RERE: variants seen among roughly 807,000 people sequenced by gnomAD.
RERE encodes arginine-glutamic acid dipeptide repeats.
In RERE, 40 loss-of-function variants were observed where a neutral mutation model predicts 146.1. The observed-to-expected ratio is 0.27, with a 90% CI of 0.21 to 0.36. The LOEUF is 0.36. RERE is among the 10% of genes least tolerant of loss of function. RERE has a pLI of 1.00. For missense variants in RERE, 1,933 were observed against 2,138.7 expected, an observed-to-expected ratio of 0.90 and a Z score of 1.90; for synonymous variants, 1,003 against 866.0, an observed-to-expected ratio of 1.16 and a Z score of -2.78.
intron 4 of RERE, among the ~76,000 whole-genome samples, chr1:8,559,622 C>T (rs1646054277): frequency 6.6e-6 from 1 of 152,072 alleles, no homozygotes; most frequent in East Asian, 1.9e-4. Context: ...TAATTACTTT[C>T]AGCAGGGGAT....
At chr1:8,383,486 C>T (rs1199981742) in intron 12 of RERE, among the ~76,000 whole-genome samples, 1 of 152,032 alleles carries the variant, frequency 6.6e-6, no homozygotes, top group Non-Finnish European at 1.5e-5. Context: ...GCTTAAGGGA[C>T]TTAGAACATC....
intron 7 of RERE, among the ~76,000 whole-genome samples, chr1:8,517,028 T>C (rs1645429024): frequency 6.6e-6 from 1 of 152,152 alleles, no homozygotes; most frequent in African/African-American, 2.4e-5. Context: ...ATTGTTGTGG[T>C]GGTTACACAA....
intron 4 of RERE, among the ~76,000 whole-genome samples, chr1:8,611,121 G>C (rs930591701): frequency 3.3e-5 from 5 of 151,292 alleles, no homozygotes; most frequent in Non-Finnish European, 5.9e-5. Flanking sequence ...CTTGAACCCG[G>C]GAGGCGGAGG....
intron 12 of RERE, among the ~76,000 whole-genome samples, chr1:8,371,473 A>C (rs1398512585): frequency 6.6e-6 from 1 of 152,232 alleles, no homozygotes; most frequent in African/African-American, 2.4e-5. Context: ...GCTTGGCACC[A>C]GGCAATCTGG....
chr1:8,451,686 A>ATAGTCC (rs1467700179), intron 11 of RERE, among the ~76,000 whole-genome samples: 2 of 152,188 alleles, frequency 1.3e-5, no homozygotes, highest in African/African-American at 2.4e-5. Context: ...CACTAGGGGC[A>ATAGTCC]TAGTCCTGAT....
At chr1:8,516,301 C>A (rs559979464) in intron 7 of RERE, among the ~76,000 whole-genome samples, 1 of 147,660 alleles carries the variant, frequency 6.8e-6, no homozygotes, top group Non-Finnish European at 1.5e-5. Flanking sequence ...ATAATACTAG[C>A]TATCAATTAC....
chr1:8,557,551 G>T (rs770856765), intron 4 of RERE, 28 bp from the exon 5 acceptor site: 3 of 1,488,492 alleles, frequency 2.0e-6, no homozygotes, highest in Non-Finnish European at 2.8e-6. Context: ...ACAGCATTAG[G>T]AACAGGATTT....
chr1:8,775,099 T>C (rs912911267), intron 1 of RERE, among the ~76,000 whole-genome samples: 1 of 151,952 alleles, frequency 6.6e-6, no homozygotes, highest in African/African-American at 2.4e-5. Flanking sequence ...TAGCTGGGAT[T>C]ACAGGCGCAC....
At chr1:8,719,588 G>T (rs879459041) in intron 1 of RERE, among the ~76,000 whole-genome samples, 5 of 152,042 alleles carry the variant, frequency 3.3e-5, no homozygotes, top group Middle Eastern at 3.2e-3. Context: ...ACAGAGATTT[G>T]CCCTCTGCTT....
intron 10 of RERE, among the ~76,000 whole-genome samples, chr1:8,485,355 C>G (rs1644885597): frequency 6.6e-6 from 1 of 151,980 alleles, no homozygotes; most frequent in Admixed American, 6.6e-5. Flanking sequence ...CAGCGAAACT[C>G]TGTCTCAAAA....
chr1:8,532,793 C>T lies in RERE; in HGVS notation c.830+8421G>A, dbSNP rs1413377009. ...GTATTATTAGTAGAGACGGGGTTTC[C>T]CATGTTGGCCAGACTGGTCTTGAAC... is the stretch of plus-strand genomic sequence containing the variant. On this transcript the variant is annotated intron_variant, in intron 7 of 22. Transcript: ENST00000400908. Among the ~76,000 whole-genome samples the T allele has an allele frequency of 2.6e-5, 4 of 152,110 alleles. No individual in the cohort carries two copies. In the East Asian group the frequency reaches 5.8e-4, roughly 22 times the overall value.
At chr1:8,443,335 A>G (rs577789087) in intron 11 of RERE, among the ~76,000 whole-genome samples, 1 of 151,532 alleles carries the variant, frequency 6.6e-6, no homozygotes, top group South Asian at 2.1e-4. Context: ...GATGGCACAC[A>G]CCTGTAATCC....
intron 13 of RERE, among the ~76,000 whole-genome samples, 176 bp downstream of exon 13, chr1:8,365,636 G>A (rs1321436800): frequency 6.6e-6 from 1 of 152,170 alleles, no homozygotes; most frequent in East Asian, 1.9e-4. Context: ...TCCTTGTCCT[G>A]CTCCCCGCCC....
intron 22 of RERE, 61 bp downstream of exon 22, chr1:8,355,358 G>C: frequency 6.4e-7 from 1 of 1,560,352 alleles, no homozygotes; most frequent in South Asian, 1.1e-5. Context: ...CTGGGCACAC[G>C]GGGAGGTTGG....
At chr1:8,398,909 C>T (rs141257513) in intron 12 of RERE, among the ~76,000 whole-genome samples, 10 of 152,294 alleles carry the variant, frequency 6.6e-5, no homozygotes, top group Non-Finnish European at 1.5e-4. Context: ...TTTTCAACAA[C>T]CTCACTTCTA....
chr1:8,753,087 G>T (rs1640570913), intron 1 of RERE, among the ~76,000 whole-genome samples: 1 of 152,142 alleles, frequency 6.6e-6, no homozygotes, highest in Non-Finnish European at 1.5e-5. Context: ...GCTTCAGCAA[G>T]AGGTTAGCAT....
In RERE at chr1:8,361,332, C is replaced by T. The variant is rs770529304; in HGVS notation, c.2175G>A (p.Ser725=). Residue 725 remains serine (S), a synonymous_variant, in exon 18 of 23, where the codon TCG becomes TCA. Coordinates refer to ENST00000400908, the MANE Select transcript of RERE (RefSeq NM_001042681.2). ...GCATCTGCTGCTGGGCTGACGAGTC[C>T]GAGTCACTCTCATTGTCCTGGGGGC... ...IPSPQDNESD[S]DSSAQQQMLQ... 13 of 1,612,698 alleles carry T rather than the reference C, an allele frequency of 8.1e-6. No homozygotes were observed. Among genetic ancestry groups the T allele is most frequent in the South Asian group, 2.2e-5 (2 of 91,020 alleles).
At chr1:8,407,781 A>G (rs916953551) in intron 12 of RERE, among the ~76,000 whole-genome samples, 6 of 152,096 alleles carry the variant, frequency 3.9e-5, no homozygotes, top group Admixed American at 6.6e-5. Context: ...AGCATTTAAA[A>G]CCTTTTTAAA....
At chr1:8,569,869 G>A (rs768729878) in intron 4 of RERE, among the ~76,000 whole-genome samples, 13 of 151,452 alleles carry the variant, frequency 8.6e-5, no homozygotes, top group South Asian at 2.1e-4. Flanking sequence ...TCCAGCCTGG[G>A]TGACAGAGCT....
Sources: allele counts gnomAD v4.1 joint callset (sites outside exome capture counted in the v4.1 genomes callset), GRCh38; gene constraint gnomAD v4.1.1; transcripts MANE v1.5; gene names NCBI Gene and HGNC (gene_info 2026-07-23, HGNC 2026-07-21).